Variants in HCN1 observed in about 807,000 individuals in gnomAD.
HCN1 encodes hyperpolarization activated cyclic nucleotide gated potassium channel 1.
In HCN1, 13 loss-of-function variants were observed where a neutral mutation model predicts 78.9. The ratio of observed to expected loss-of-function variants is 0.16; its 90% CI spans 0.11 to 0.26. HCN1 has a LOEUF of 0.26. Ranked by LOEUF, HCN1 falls within the 10% of genes least tolerant of loss-of-function variation. HCN1 has a pLI of 1.00. For synonymous variants in HCN1, 552 were observed against 455.5 expected (o/e 1.21, Z -2.70); for missense variants, 810 against 1,154.3 (o/e 0.70, Z 4.32).
At chr5:45,582,518 C>T (rs1343773648) in intron 2 of HCN1, among the ~76,000 whole-genome samples, 1 of 152,098 alleles carries the variant, frequency 6.6e-6, no homozygotes, top group Non-Finnish European at 1.5e-5. Context: ...TTATTTCCTT[C>T]TCCTGCCTGA....
chr5:45,388,013 C>T (rs996171766), intron 4 of HCN1, among the ~76,000 whole-genome samples: 1 of 152,056 alleles, frequency 6.6e-6, no homozygotes, highest in African/African-American at 2.4e-5. Context: ...AAACTGAAAA[C>T]AAAAATATGG....
chr5:45,365,314 A>T (rs1284034359), intron 4 of HCN1, among the ~76,000 whole-genome samples: 1 of 151,808 alleles, frequency 6.6e-6, no homozygotes, highest in African/African-American at 2.4e-5. Context: ...CATAGTACTC[A>T]ATAGGTAATT....
At chr5:45,555,940 A>G (rs1171596200) in intron 2 of HCN1, among the ~76,000 whole-genome samples, 1 of 151,934 alleles carries the variant, frequency 6.6e-6, no homozygotes, top group Non-Finnish European at 1.5e-5. Flanking sequence ...CAAAAGTGCC[A>G]AGACGATACA....
At chr5:45,668,409 C>G (rs958768045) in intron 1 of HCN1, among the ~76,000 whole-genome samples, 15 of 151,862 alleles carry the variant, frequency 9.9e-5, no homozygotes, top group African/African-American at 3.4e-4. Flanking sequence ...CCTGCCACCA[C>G]ATAAGAAGTG....
intron 2 of HCN1, among the ~76,000 whole-genome samples, chr5:45,596,260 G>A (rs1314297951): frequency 6.6e-6 from 1 of 152,086 alleles, no homozygotes; most frequent in Non-Finnish European, 1.5e-5. Flanking sequence ...TGTAAGTTGA[G>A]AAGCTTCTGT....
intron 2 of HCN1, among the ~76,000 whole-genome samples, chr5:45,640,105 T>A (rs1178988591): frequency 1.3e-5 from 2 of 152,172 alleles, no homozygotes; most frequent in Admixed American, 1.3e-4. Flanking sequence ...TGTTGCTCAC[T>A]CCCTTATTTG....
intron 1 of HCN1, among the ~76,000 whole-genome samples, chr5:45,658,904 C>T (rs1449393122): frequency 6.8e-6 from 1 of 146,792 alleles, no homozygotes; most frequent in Non-Finnish European, 1.5e-5. Flanking sequence ...CCCAGGCTTG[C>T]TTAGGTAAAC....
intron 1 of HCN1, among the ~76,000 whole-genome samples, chr5:45,664,395 C>T (rs1219510575): frequency 7.3e-6 from 1 of 136,922 alleles, no homozygotes; most frequent in Admixed American, 7.5e-5. Flanking sequence ...CAGCATGGCA[C>T]ATGTATACAT....
chr5:45,497,006 A>G lies in HCN1; in HGVS notation c.850-34999T>C, dbSNP rs1280567255. 7.2e-5 allele frequency among the ~76,000 whole-genome samples: 11 copies of G among 152,130 alleles called. No individual in the cohort carries two copies. The East Asian group carries it at 2.1e-3, about 29-fold the overall frequency. ...AGGTTGTTCAGTTTCCATGTAGTTG[A>G]GCGGCTTTGAGTGAGATTCTTAATC... On this transcript the variant is annotated intron_variant, in intron 2 of 7. Transcript: ENST00000303230.
intron 3 of HCN1, among the ~76,000 whole-genome samples, chr5:45,448,771 C>T (rs1024939246): frequency 6.6e-6 from 1 of 152,084 alleles, no homozygotes; most frequent in Non-Finnish European, 1.5e-5. Context: ...AACTCACACA[C>T]AAATACAACT....
chr5:45,624,852 G>C (rs1001187968), intron 2 of HCN1, among the ~76,000 whole-genome samples: 1 of 152,038 alleles, frequency 6.6e-6, no homozygotes, highest in Non-Finnish European at 1.5e-5. Context: ...GTCAACTGTG[G>C]TAAGTAATGA....
intron 1 of HCN1, among the ~76,000 whole-genome samples, chr5:45,672,426 G>A (rs1214641839): frequency 1.3e-5 from 2 of 151,520 alleles, no homozygotes; most frequent in South Asian, 4.1e-4. Context: ...GATGCCACTT[G>A]TCTACGTTAA....
intron 1 of HCN1, among the ~76,000 whole-genome samples, chr5:45,669,583 TAGAA>T (rs1448059266): frequency 6.6e-6 from 1 of 151,660 alleles, no homozygotes; most frequent in Non-Finnish European, 1.5e-5. Flanking sequence ...AAACTATACA[TAGAA>T]AGAAGAAAAG....
chr5:45,269,426 T>C (rs1011294240), intron 6 of HCN1, among the ~76,000 whole-genome samples: 10 of 152,206 alleles, frequency 6.6e-5, no homozygotes, highest in Admixed American at 2.6e-4. Context: ...TCTGGAAACA[T>C]TGTTTTGTCT....
intron 3 of HCN1, among the ~76,000 whole-genome samples, chr5:45,445,564 A>C (rs1740773867): frequency 6.6e-6 from 1 of 152,212 alleles, no homozygotes; most frequent in Admixed American, 6.5e-5. Context: ...TGGAGATCTG[A>C]GAATGGGCAG....
chr5:45,385,826 G>A (rs1309151615), intron 4 of HCN1, among the ~76,000 whole-genome samples: 6 of 152,072 alleles, frequency 3.9e-5, no homozygotes, highest in South Asian at 2.1e-4. Flanking sequence ...GGGAATAATC[G>A]CATTCTTGGC....
chr5:45,524,559 A>T (rs938125264), intron 2 of HCN1, among the ~76,000 whole-genome samples: 51 of 152,038 alleles, frequency 3.4e-4, no homozygotes, highest in Non-Finnish European at 6.8e-4. Flanking sequence ...GTTCTCCTTG[A>T]AGAGGTCCTT....
chr5:45,367,325 T>A (rs191233187), intron 4 of HCN1, among the ~76,000 whole-genome samples: 96 of 151,812 alleles, frequency 6.3e-4, no homozygotes, highest in Admixed American at 1.1e-3. Flanking sequence ...CAATGATTGA[T>A]TTCAAAAGAA....
intron 3 of HCN1, among the ~76,000 whole-genome samples, chr5:45,397,974 A>T (rs1036926166): frequency 1.8e-4 from 27 of 151,792 alleles, no homozygotes; most frequent in South Asian, 1.2e-3. Flanking sequence ...ATTTAAATTT[A>T]AATTTTAAAT....
Sources: allele counts gnomAD v4.1 joint callset (sites outside exome capture counted in the v4.1 genomes callset), GRCh38; gene constraint gnomAD v4.1.1; transcripts MANE v1.5; gene names NCBI Gene and HGNC (gene_info 2026-07-23, HGNC 2026-07-21).